The following LRMDA variants were observed in gnomAD, a reference collection of about 807,000 sequenced individuals.
LRMDA encodes the protein leucine-rich melanocyte differentiation-associated protein.
LRMDA carries 18 observed loss-of-function variants against 29.8 expected under a neutral mutation model. That is an observed-to-expected ratio of 0.60 (90% CI 0.42 to 0.90). The LOEUF (loss-of-function observed/expected upper bound fraction) is 0.90, where lower values mean the gene tolerates loss of function less well. Ranked by LOEUF, LRMDA falls within the 40% of genes least tolerant of loss-of-function variation. LRMDA has a pLI of 0.00. For synonymous variants in LRMDA, 125 were observed against 109.4 expected (o/e 1.14, Z -0.89); for missense variants, 273 against 273.9 (o/e 1.00, Z 0.02).
At chr10:75,800,523 C>T (rs948897764) in intron 2 of LRMDA, among the ~76,000 whole-genome samples, 3 of 151,962 alleles carry the variant, frequency 2.0e-5, no homozygotes, top group South Asian at 2.1e-4. Context: ...CTCAAACCTC[C>T]GCCTCCCGCG....
chr10:75,465,445 A>C (rs1844636574), intron 2 of LRMDA, among the ~76,000 whole-genome samples: 1 of 152,218 alleles, frequency 6.6e-6, no homozygotes, highest in Non-Finnish European at 1.5e-5. Context: ...TTTTGTATGC[A>C]TACTGTGGGA....
chr10:76,233,284 CAT>C (rs1852094011), intron 5 of LRMDA, among the ~76,000 whole-genome samples: 1 of 152,218 alleles, frequency 6.6e-6, no homozygotes, highest in Non-Finnish European at 1.5e-5. Context: ...TGTATGATAA[CAT>C]TATGTCTAAA....
intron 5 of LRMDA, among the ~76,000 whole-genome samples, chr10:76,147,743 C>T (rs576818583): frequency 2.6e-5 from 4 of 152,182 alleles, no homozygotes; most frequent in Admixed American, 6.5e-5. Context: ...TGCGTTCCTT[C>T]GGAGGAGGAG....
In LRMDA at chr10:75,680,934, C is replaced by T. The variant is rs116772118; in HGVS notation, c.131+242440C>T. 6.9e-3 allele frequency among the ~76,000 whole-genome samples: 1,049 copies of T among 152,206 alleles called. 16 individuals are homozygous for T. The highest frequency in any genetic ancestry group is 0.023 in the African/African-American group (973 of 41,534). Reference sequence around the variant, plus strand: ...ATGTCCTTCTGCAATCTTCAGTTAACGTGATGGTGGGCACCGAGAGAATTA... The same window carrying T: ...ATGTCCTTCTGCAATCTTCAGTTAATGTGATGGTGGGCACCGAGAGAATTA... On this transcript the variant is annotated intron_variant, in intron 2 of 6. Coordinates refer to ENST00000611255, the MANE Select transcript of LRMDA (RefSeq NM_001305581.2).
intron 5 of LRMDA, among the ~76,000 whole-genome samples, chr10:76,235,974 T>C (rs747522413): frequency 6.6e-6 from 1 of 152,154 alleles, no homozygotes. Flanking sequence ...CAAAGAAATA[T>C]AGTTTGGGGT....
chr10:75,903,680 G>A (rs1311838423), intron 2 of LRMDA, among the ~76,000 whole-genome samples: 1 of 152,208 alleles, frequency 6.6e-6, no homozygotes, highest in Non-Finnish European at 1.5e-5. Flanking sequence ...CGATCACTAG[G>A]AGTCCCTTTA....
chr10:75,918,706 G>A (rs374270602), intron 2 of LRMDA, among the ~76,000 whole-genome samples: 9 of 152,232 alleles, frequency 5.9e-5, no homozygotes, highest in Admixed American at 3.3e-4. Context: ...TGAGCCATAA[G>A]CAATGTGGAG....
At chr10:76,133,784 A>T (rs1342932494) in intron 5 of LRMDA, among the ~76,000 whole-genome samples, 1 of 152,088 alleles carries the variant, frequency 6.6e-6, no homozygotes, top group Non-Finnish European at 1.5e-5. Context: ...CTCATCATTT[A>T]TACATCTTAT....
At chr10:76,324,736 A>G (rs1840814133) in intron 6 of LRMDA, among the ~76,000 whole-genome samples, 1 of 152,288 alleles carries the variant, frequency 6.6e-6, no homozygotes, top group East Asian at 1.9e-4. Flanking sequence ...TTCTTTAAAT[A>G]AAGAGATTAG....
chr10:75,464,571 A>G (rs761728960), intron 2 of LRMDA, among the ~76,000 whole-genome samples: 13 of 152,194 alleles, frequency 8.5e-5, no homozygotes, highest in Non-Finnish European at 1.6e-4. Context: ...GATGGGATAT[A>G]TGTGAGGAAG....
chr10:75,589,777 TAG>T (rs796093885), intron 2 of LRMDA, among the ~76,000 whole-genome samples: 33 of 135,536 alleles, frequency 2.4e-4, no homozygotes, highest in African/African-American at 8.6e-4. Flanking sequence ...TATATATATA[TAG>T]AGAGAGAGAG....
At chr10:76,557,130 A>G (rs1843567706) in intron 6 of LRMDA, 79 bp from the exon 7 acceptor site, 2 of 1,114,544 alleles carry the variant, frequency 1.8e-6, no homozygotes, top group Non-Finnish European at 2.7e-6. Context: ...ATTATCTTGC[A>G]TGTCTGCTTT....
At chr10:75,948,390 G>A (rs1182837761) in intron 2 of LRMDA, among the ~76,000 whole-genome samples, 10 of 152,166 alleles carry the variant, frequency 6.6e-5, no homozygotes, top group Non-Finnish European at 5.9e-5. Flanking sequence ...TGTAAGGACA[G>A]GGCATATTAG....
intron 2 of LRMDA, among the ~76,000 whole-genome samples, chr10:75,922,015 C>G (rs149089476): frequency 3.9e-5 from 6 of 152,136 alleles, no homozygotes; most frequent in Non-Finnish European, 7.4e-5. Context: ...TTATCTCTTT[C>G]GTTTTCTTCC....
chr10:76,438,194 G>C (rs988625468), intron 6 of LRMDA, among the ~76,000 whole-genome samples: 5 of 152,126 alleles, frequency 3.3e-5, no homozygotes, highest in Admixed American at 2.0e-4. Flanking sequence ...TATAAGCAGC[G>C]GGTCAGGGCC....
intron 5 of LRMDA, among the ~76,000 whole-genome samples, chr10:76,107,615 C>T (rs867135779): frequency 6.6e-6 from 1 of 152,184 alleles, no homozygotes; most frequent in Non-Finnish European, 1.5e-5. Flanking sequence ...GGCTCTGTTT[C>T]CGCTGTCTCT....
At chr10:76,466,310 G>A (rs1423230032) in intron 6 of LRMDA, among the ~76,000 whole-genome samples, 1 of 152,088 alleles carries the variant, frequency 6.6e-6, no homozygotes, top group Non-Finnish European at 1.5e-5. Context: ...ACAGACAGAT[G>A]CCGGGAGCAT....
chr10:76,427,159 A>G (rs920249396), intron 6 of LRMDA, among the ~76,000 whole-genome samples: 15 of 151,924 alleles, frequency 9.9e-5, no homozygotes, highest in African/African-American at 3.1e-4. Flanking sequence ...TGGTAGCTTG[A>G]TGGGGATGGC....
rs1340838551 is a variant in LRMDA at position 76,559,620 on chromosome 10, A to C, written c.*2332A>C. On this transcript the variant is annotated 3_prime_UTR_variant, in exon 7 of 7. Coordinates refer to ENST00000611255, the MANE Select transcript of LRMDA (RefSeq NM_001305581.2). ...GTCTGAATTGGCAGAGGTAGAACCC[A>C]TGTTGCATGTTTATCCTAAATCTGT... 6.6e-6 allele frequency: 1 copy of C among 152,224 alleles called. No individual in the cohort carries two copies. Among genetic ancestry groups the C allele is most frequent in the African/African-American group, 2.4e-5 (1 of 41,454 alleles). The allele number at this position is 152,224 out of a possible 1,614,324, so 9.4% of individuals were successfully genotyped here.
Sources: allele counts gnomAD v4.1 joint callset (sites outside exome capture counted in the v4.1 genomes callset), GRCh38; gene constraint gnomAD v4.1.1; transcripts MANE v1.5; gene names NCBI Gene and HGNC (gene_info 2026-07-23, HGNC 2026-07-21).